Variants in JAZF1 observed in about 807,000 individuals in gnomAD.
The protein encoded by JAZF1 is JAZF zinc finger 1.
JAZF1 carries 8 observed loss-of-function variants against 26.4 expected under a neutral mutation model. The ratio of observed to expected loss-of-function variants is 0.30; its 90% CI spans 0.18 to 0.55. The LOEUF is 0.55. JAZF1 is among the 20% of genes least tolerant of loss of function. JAZF1 has a pLI of 0.94. For missense variants in JAZF1, 199 were observed against 322.0 expected (o/e 0.62, Z 2.92); for synonymous variants, 126 against 122.3 (o/e 1.03, Z -0.20).
At chr7:27,863,898 TTCTC>T (rs1783424257) in intron 3 of JAZF1, 1 of 152,182 alleles carries the variant, frequency 6.6e-6, no homozygotes. Context: ...CCTGTCACAT[TTCTC>T]TCTGCCAGTT....
At chr7:28,077,256 A>T (rs1394285676) in intron 1 of JAZF1, among the ~76,000 whole-genome samples, 1 of 151,986 alleles carries the variant, frequency 6.6e-6, no homozygotes, top group Non-Finnish European at 1.5e-5. Flanking sequence ...CTACATAGAA[A>T]TTTTTTTCAG....
chr7:28,170,671 GTCA>G (rs768128113), intron 1 of JAZF1, among the ~76,000 whole-genome samples: 23 of 151,974 alleles, frequency 1.5e-4, no homozygotes, highest in Non-Finnish European at 2.5e-4. Context: ...ATCAAAATAT[GTCA>G]TCAACCATCC....
intron 1 of JAZF1, among the ~76,000 whole-genome samples, chr7:28,057,782 C>T (rs987409496): frequency 1.3e-5 from 2 of 152,136 alleles, no homozygotes; most frequent in African/African-American, 4.8e-5. Flanking sequence ...AGATTTAAAT[C>T]TCTGCCCTAA....
chr7:28,020,680 C>A (rs762419196), intron 1 of JAZF1: 18 of 471,106 alleles, frequency 3.8e-5, no homozygotes, highest in Admixed American at 7.0e-5. Context: ...TAGAAGTGAG[C>A]GAAGGAACTG....
intron 2 of JAZF1, among the ~76,000 whole-genome samples, chr7:27,910,498 C>T (rs1784343640): frequency 6.6e-6 from 1 of 152,342 alleles, no homozygotes; most frequent in Non-Finnish European, 1.5e-5. Flanking sequence ...AAGGCATGCA[C>T]TAATCCTGGG....
chr7:28,121,070 C>T (rs1283417228), intron 1 of JAZF1, among the ~76,000 whole-genome samples: 2 of 151,414 alleles, frequency 1.3e-5, no homozygotes, highest in East Asian at 3.9e-4. Flanking sequence ...CATGGTGGCA[C>T]ATGCCTGTAA....
At chr7:28,040,365 A>C (rs1783368459) in intron 1 of JAZF1, among the ~76,000 whole-genome samples, 1 of 152,240 alleles carries the variant, frequency 6.6e-6, no homozygotes, top group Non-Finnish European at 1.5e-5. Context: ...ATGGGAAAAT[A>C]ACAAACAACA....
chr7:28,143,497 T>G (rs1013070120), intron 1 of JAZF1, among the ~76,000 whole-genome samples: 2 of 152,162 alleles, frequency 1.3e-5, no homozygotes, highest in Admixed American at 1.3e-4. Flanking sequence ...TCCCATTCCA[T>G]GCAGGTACAC....
chr7:28,046,670 A>T (rs1165103977), intron 1 of JAZF1, among the ~76,000 whole-genome samples: 1 of 152,142 alleles, frequency 6.6e-6, no homozygotes, highest in Non-Finnish European at 1.5e-5. Context: ...ATTGCCAATC[A>T]TTTTCATTTT....
At chr7:28,172,990 A>G (rs796145576) in intron 1 of JAZF1, among the ~76,000 whole-genome samples, 6 of 152,254 alleles carry the variant, frequency 3.9e-5, no homozygotes, top group African/African-American at 1.4e-4. Context: ...AGAATGAGAA[A>G]GAAAAACATT....
intron 1 of JAZF1, among the ~76,000 whole-genome samples, chr7:28,048,972 C>T (rs927614281): frequency 5.6e-5 from 8 of 142,068 alleles, no homozygotes; most frequent in Non-Finnish European, 9.2e-5. Context: ...TTTTCTTTCT[C>T]CCTTCCCTTC....
intron 1 of JAZF1, among the ~76,000 whole-genome samples, chr7:28,005,895 A>AG (rs1264354655): frequency 6.6e-6 from 1 of 152,020 alleles, no homozygotes; most frequent in East Asian, 1.9e-4. Context: ...AAAAAAAAAA[A>AG]AAAAGGCTTA....
chr7:28,138,666 CCTT>C (rs1347662769), intron 1 of JAZF1, among the ~76,000 whole-genome samples: 3 of 152,116 alleles, frequency 2.0e-5, no homozygotes, highest in Non-Finnish European at 4.4e-5. Flanking sequence ...TATTTGCCAC[CCTT>C]CTTCTTCTCC....
intron 2 of JAZF1, among the ~76,000 whole-genome samples, chr7:27,987,732 C>T (rs535375318): frequency 1.1e-3 from 169 of 152,278 alleles, no homozygotes; most frequent in African/African-American, 3.7e-3. Context: ...ATGACGATGG[C>T]GGTTTTGTTG....
chr7:27,967,770 T>C (rs1332607197), intron 2 of JAZF1, among the ~76,000 whole-genome samples: 2 of 152,318 alleles, frequency 1.3e-5, no homozygotes, highest in African/African-American at 4.8e-5. Flanking sequence ...TATATACCAC[T>C]ATACAACTAC....
intron 2 of JAZF1, among the ~76,000 whole-genome samples, chr7:27,953,770 T>G (rs1052745384): frequency 1.3e-5 from 2 of 152,228 alleles, no homozygotes. Context: ...CTGTAAAATA[T>G]ATACTTATCC....
At chr7:28,104,205 T>C (rs1311026204) in intron 1 of JAZF1, among the ~76,000 whole-genome samples, 1 of 152,194 alleles carries the variant, frequency 6.6e-6, no homozygotes, top group Admixed American at 6.5e-5. Flanking sequence ...TAGGTAGTAC[T>C]GTGACAACCC....
At chr7:28,005,814 G>A (rs1270194593) in intron 1 of JAZF1, among the ~76,000 whole-genome samples, 2 of 151,012 alleles carry the variant, frequency 1.3e-5, no homozygotes, top group African/African-American at 4.9e-5. Context: ...GCACTTGGCA[G>A]ATGGCTCCTG....
chr7:28,007,904 C>T (rs979701267), intron 1 of JAZF1, among the ~76,000 whole-genome samples: 2 of 152,018 alleles, frequency 1.3e-5, no homozygotes, highest in Non-Finnish European at 2.9e-5. Flanking sequence ...TTTTTTTCCT[C>T]GCTAAAAAGT....
Sources: allele counts gnomAD v4.1 joint callset (sites outside exome capture counted in the v4.1 genomes callset), GRCh38; gene constraint gnomAD v4.1.1; transcripts MANE v1.5; gene names NCBI Gene and HGNC (gene_info 2026-07-23, HGNC 2026-07-21).